The following COL9A3 variants were observed in gnomAD, a reference collection of about 807,000 sequenced individuals.
COL9A3 encodes the protein collagen type IX alpha 3 chain, also known as collagen alpha-3(IX) chain.
Under a neutral mutation model 110.2 loss-of-function variants are expected in COL9A3, and 82 were observed. The observed-to-expected ratio is 0.74, with a 90% confidence interval of 0.62 to 0.89. The LOEUF is 0.89. Among genes scored for constraint, COL9A3 ranks in the 40% least tolerant of loss-of-function variants. The probability of loss-of-function intolerance (pLI) is 0.00; values close to 1 mark genes in which losing one functional copy is unlikely to be tolerated. For missense variants in COL9A3, 1,066 were observed against 981.3 expected (o/e 1.09, Z -1.15); for synonymous variants, 494 against 403.8 (o/e 1.22, Z -2.68).
chr20:62,817,527 G>A (rs368717920), intron 1 of COL9A3, 40 bp from the exon 2 acceptor site: 46 of 1,429,958 alleles, frequency 3.2e-5, no homozygotes, highest in Non-Finnish European at 4.2e-5. Context: ...TCAGGCCCAC[G>A]GGGGCACCTG....
At chr20:62,836,447 C>T (rs751427490) in intron 28 of COL9A3, 31 bp from the exon 29 acceptor site, 19 of 1,613,566 alleles carry the variant, frequency 1.2e-5, no homozygotes, top group East Asian at 8.9e-5. Context: ...CTGCCGCCCC[C>T]ATGCTGACGA....
chr20:62,836,554 G>GCTGCAGCGGGGCCCATCCCCGC, intron 29 of COL9A3, 22 bp downstream of exon 29: 2 of 1,593,132 alleles, frequency 1.3e-6, no homozygotes, highest in Non-Finnish European at 1.7e-6. Context: ...ACGTGCACCG[G>GCTGCAGCGGGGCCCATCCCCGC]CTGCAGCGGG....
Position 62,817,587 on chromosome 20 carries a change from C to G in COL9A3, c.99C>G (p.Pro33=). The change falls in exon 2 of 32, where the codon CCC becomes CCG. Residue 33 remains proline, a synonymous_variant. Coordinates refer to ENST00000649368, the MANE Select transcript of COL9A3 (RefSeq NM_001853.4). The part of the protein sequence containing the change: ...AGAQRVGLPG[P]PGPPGPPGKP... ...TTCAGAGAGTGGGACTCCCCGGCCC[C>G]CCCGGCCCCCCAGGGCCGCCCGGGA... 6.5e-7 allele frequency: 1 copy of G among 1,546,862 alleles called. No homozygotes were observed. Among genetic ancestry groups the G allele is most frequent in the Non-Finnish European group, 8.7e-7 (1 of 1,144,832 alleles).
chr20:62,823,609 G>A (rs1018189246), intron 10 of COL9A3, among the ~76,000 whole-genome samples: 2 of 152,208 alleles, frequency 1.3e-5, no homozygotes, highest in African/African-American at 4.8e-5. Context: ...TTGGGCCCCC[G>A]ATCGTGGGCT....
intron 5 of COL9A3, among the ~76,000 whole-genome samples, chr20:62,820,910 C>T (rs144887944): frequency 3.3e-5 from 5 of 152,262 alleles, no homozygotes; most frequent in African/African-American, 7.2e-5. Flanking sequence ...GACAGGCACC[C>T]CGGGTCACTT....
chr20:62,839,887 G>T (rs1378115349), intron 31 of COL9A3, among the ~76,000 whole-genome samples: 1 of 152,058 alleles, frequency 6.6e-6, no homozygotes, highest in African/African-American at 2.4e-5. Flanking sequence ...CTGCTCTCTG[G>T]GTGCCCCATG....
intron 7 of COL9A3, 45 bp downstream of exon 7, chr20:62,821,575 C>A (rs752004593): frequency 6.8e-6 from 11 of 1,612,408 alleles, no homozygotes; most frequent in Non-Finnish European, 8.5e-7. Flanking sequence ...CACGCAAGTC[C>A]CGAGAGCCTG....
chr20:62,832,884 C>T (rs2147221782), intron 25 of COL9A3, 136 bp from the exon 26 acceptor site: 11 of 777,006 alleles, frequency 1.4e-5, no homozygotes, highest in Non-Finnish European at 2.3e-5. Context: ...AAAAGGCAGC[C>T]CTGGGGCCTG....
chr20:62,830,240 G>C lies in COL9A3; in HGVS notation c.1162-120G>C, dbSNP rs568701864. The C allele has an allele frequency of 9.2e-6, 11 of 1,199,070 alleles. No individual in the cohort carries two copies. The African/African-American group carries it at 1.5e-4, about 16-fold the overall frequency. The allele number at this position is 1,199,070 out of a possible 1,614,324, so 74.3% of individuals were successfully genotyped here. ...TTGTCCCCAGCAACCCAGCCAGGTG[G>C]CTTAGAACCGGCTCCTGTGTCCACC... On this transcript the variant is annotated intron_variant, in intron 22 of 31. Transcript: ENST00000649368.
chr20:62,819,686 G>A lies in COL9A3; in HGVS notation c.256-243G>A, dbSNP rs113114899. Among the ~76,000 whole-genome samples the A allele has an allele frequency of 3.9e-3, 590 of 152,302 alleles. 3 individuals are homozygous for A. The highest frequency in any genetic ancestry group is 0.013 in the African/African-American group (537 of 41,556). ...GTCCAGTCCTGCTGGGTTGGTCCCC[G>A]AGGCCTGACTACAGCAGGTGCCTCC... is the stretch of plus-strand genomic sequence containing the variant. On this transcript the variant is annotated intron_variant, in intron 4 of 31. Transcript: ENST00000649368.
In COL9A3 at chr20:62,826,281, G is replaced by A. The variant is rs749397112; in HGVS notation, c.738+24G>A. Reference sequence around the variant, plus strand: ...GGGTAAGTCCTGCAGCCCCTAGTGGGGGCCGGCCAGGTGGCTGGGGGCCTG... The same window carrying A: ...GGGTAAGTCCTGCAGCCCCTAGTGGAGGCCGGCCAGGTGGCTGGGGGCCTG... On this transcript the variant is annotated intron_variant, in intron 14 of 31. Coordinates refer to ENST00000649368, the MANE Select transcript of COL9A3 (RefSeq NM_001853.4). The A allele has an allele frequency of 9.0e-5, 139 of 1,544,898 alleles. No individual in the cohort carries two copies. The Middle Eastern group carries it at 2.1e-3, about 24-fold the overall frequency.
Position 62,837,200 on chromosome 20 carries a change from C to T in COL9A3, c.1721C>T (p.Pro574Leu). 6.2e-7 allele frequency: 1 copy of T among 1,612,502 alleles called. No individual in the cohort carries two copies. Among genetic ancestry groups the T allele is most frequent in the Non-Finnish European group, 8.5e-7 (1 of 1,179,698 alleles). Residue 574 changes from proline (P) to leucine (L), a missense_variant, in exon 30 of 32, where the codon CCT becomes CTT. Pro to Leu is a moderately conservative substitution (Grantham distance 98). Coordinates refer to ENST00000649368, the MANE Select transcript of COL9A3 (RefSeq NM_001853.4). ...GGACCCCCAGGCTCCATTGGTCACC[C>T]TGGCGCTCGAGGACCCCCTGGATAC... ...PPGPPGSIGH[P>L]GARGPPGYRG...
intron 11 of COL9A3, 87 bp from the exon 12 acceptor site, chr20:62,824,881 A>G (rs1370127270): frequency 7.2e-7 from 1 of 1,390,604 alleles, no homozygotes; most frequent in Non-Finnish European, 1.0e-6. Flanking sequence ...CCCTGGGCTG[A>G]CTGACCCTGC....
chr20:62,829,546 C>T (rs377147989), intron 20 of COL9A3, 47 bp downstream of exon 20: 206 of 1,456,162 alleles, frequency 1.4e-4, no homozygotes, highest in Non-Finnish European at 1.7e-4. Flanking sequence ...GGCGAGGGGC[C>T]GGGAGGCAAG....
chr20:62,824,998 G>A lies in COL9A3; in HGVS notation c.607G>A (p.Glu203Lys), dbSNP rs769468388. 4 of 1,609,908 alleles carry A rather than the reference G, an allele frequency of 2.5e-6. No individual in the cohort carries two copies. Among genetic ancestry groups the A allele is most frequent in the Admixed American group, 1.7e-5 (1 of 59,842 alleles). The change falls in exon 12 of 32, where the codon GAA becomes AAA. Residue 203 changes from glutamate (E) to lysine (K), a missense_variant. Physicochemically the swap from Glu to Lys is moderately conservative, Grantham distance 56 (BLOSUM62 1). Transcript: ENST00000649368. ...GPTGYKGEQG[E>K]VGKDGEKGDP... Reference sequence around the variant, plus strand: ...CACTGGCTACAAAGGCGAGCAGGGGGAAGTCGGCAAGGACGGCGAGAAGGT... The same window carrying A: ...CACTGGCTACAAAGGCGAGCAGGGGAAAGTCGGCAAGGACGGCGAGAAGGT...
At chr20:62,817,530 G>A (rs1286639410) in intron 1 of COL9A3, 37 bp from the exon 2 acceptor site, 2 of 1,450,012 alleles carry the variant, frequency 1.4e-6, no homozygotes, top group South Asian at 1.2e-5. Context: ...GGCCCACGGG[G>A]GCACCTGCGC....
chr20:62,836,105 G>A (rs1406740783), intron 27 of COL9A3, 82 bp from the exon 28 acceptor site: 23 of 1,603,918 alleles, frequency 1.4e-5, no homozygotes, highest in Middle Eastern at 1.7e-4. Context: ...AGACGGCTCC[G>A]TGCCGGCTGG....
chr20:62,819,356 G>T (rs373876810), intron 4 of COL9A3, 63 bp downstream of exon 4: 18 of 1,474,968 alleles, frequency 1.2e-5, no homozygotes, highest in Non-Finnish European at 1.7e-5. Flanking sequence ...GGAGGAGTCC[G>T]GCCCTAATTG....
chr20:62,828,097 G>T, intron 17 of COL9A3, 121 bp downstream of exon 17: 1 of 1,024,814 alleles, frequency 9.8e-7, no homozygotes, highest in South Asian at 1.3e-5. Flanking sequence ...TTGAAATCTG[G>T]GTTAACGGTG....
Sources: gnomAD v4.1 joint callset for allele counts (sites outside exome capture counted in the v4.1 genomes callset) on GRCh38, gnomAD v4.1.1 for gene constraint, MANE v1.5 for transcripts, NCBI Gene and HGNC (gene_info 2026-07-23, HGNC 2026-07-21) for gene names.